The following CHD6 variants were observed in gnomAD, a reference collection of about 807,000 sequenced individuals.
The protein encoded by CHD6 is ATP-dependent chromatin remodeler CHD6.
A neutral mutation model predicts 276.9 loss-of-function variants in CHD6; 50 were observed. The observed-to-expected ratio is 0.18, with a 90% confidence interval of 0.14 to 0.23. The LOEUF is 0.23. Among genes scored for constraint, CHD6 ranks in the 10% least tolerant of loss-of-function variants. The pLI is 1.00. For synonymous variants in CHD6, 1,173 were observed against 1,229.3 expected, an observed-to-expected ratio of 0.95 and a Z score of 0.96; for missense variants, 2,564 against 3,365.8, an observed-to-expected ratio of 0.76 and a Z score of 5.89.
intron 1 of CHD6, among the ~76,000 whole-genome samples, chr20:41,558,193 T>C (rs1276126458): frequency 6.6e-6 from 1 of 152,210 alleles, no homozygotes; most frequent in African/African-American, 2.4e-5. Context: ...CACATGTACC[T>C]TTCTCTATTG....
chr20:41,481,470 ACT>A (rs2043294041), intron 16 of CHD6, among the ~76,000 whole-genome samples: 1 of 151,630 alleles, frequency 6.6e-6, no homozygotes, highest in African/African-American at 2.4e-5. Flanking sequence ...AAAAATACTC[ACT>A]CTCATTAGTA....
rs189206978 is a variant in CHD6, at chr20:41,416,863, C to T, written c.6280-69G>A. The stretch of plus-strand genomic sequence containing the variant: ...CTAAATTCACAAAATCCTTTGAGAT[C>T]AAGGGTTAAGCTTTTCACCAGAAGG... On this transcript the variant is annotated intron_variant, in intron 32 of 36. Transcript: ENST00000373233. 647 of 1,325,438 alleles carry T rather than the reference C, an allele frequency of 4.9e-4. 3 individuals carry two copies. In the African/African-American group the frequency reaches 8.2e-3, roughly 17 times the overall value. The allele number at this position is 1,325,438 out of a possible 1,614,324, so 82.1% of individuals were successfully genotyped here.
intron 1 of CHD6, among the ~76,000 whole-genome samples, chr20:41,570,168 A>C (rs1345704915): frequency 2.0e-5 from 3 of 152,232 alleles, no homozygotes; most frequent in African/African-American, 7.2e-5. Context: ...GACAGTCTTT[A>C]CTGGTGGCAG....
intron 32 of CHD6, 90 bp from the exon 33 acceptor site, chr20:41,416,884 G>T: frequency 8.9e-7 from 1 of 1,122,014 alleles, no homozygotes; most frequent in Non-Finnish European, 1.2e-6. Context: ...CTTTTCACCA[G>T]AAGGAGTCGA....
intron 36 of CHD6, among the ~76,000 whole-genome samples, chr20:41,410,522 CCT>C (rs1265767285): frequency 2.0e-5 from 3 of 152,114 alleles, no homozygotes; most frequent in African/African-American, 7.2e-5. Context: ...CCTAGAAGGC[CCT>C]GTCCCAAGAG....
intron 3 of CHD6, among the ~76,000 whole-genome samples, chr20:41,522,643 C>A (rs148962144): frequency 6.6e-6 from 1 of 151,974 alleles, no homozygotes; most frequent in African/African-American, 2.4e-5. Context: ...AGGAAACATG[C>A]GCGCACGCGT....
rs752210950 is a variant in CHD6, at chr20:41,498,801, GTATGTATGTA to G, written c.915+484_915+493del. 8.4e-4 allele frequency among the ~76,000 whole-genome samples: 70 copies of G among 83,292 alleles called. 1 individual carries two copies. The highest frequency in any genetic ancestry group is 4.0e-3 in the African/African-American group (38 of 9,500). 54.6% of individuals were successfully genotyped at this position (83,292 alleles called of 152,430 possible). On this transcript the variant is annotated intron_variant, in intron 6 of 36. Transcript: ENST00000373233. Reference sequence around the variant, plus strand: ...TGTGTGTATGTATGTATGTATGTATGTATGTATGTATGTGTGTGTGTGTGTGTGTGTGTGT... The same window carrying G: ...TGTGTGTATGTATGTATGTATGTATGTGTGTGTGTGTGTGTGTGTGTGTGT...
intron 2 of CHD6, among the ~76,000 whole-genome samples, chr20:41,534,128 A>G (rs1223174192): frequency 6.6e-6 from 1 of 152,192 alleles, no homozygotes; most frequent in Non-Finnish European, 1.5e-5. Context: ...AAAAATATTT[A>G]CAACTTCACA....
At chr20:41,441,967 C>T (rs1258343973) in intron 25 of CHD6, among the ~76,000 whole-genome samples, 1 of 152,212 alleles carries the variant, frequency 6.6e-6, no homozygotes, top group Non-Finnish European at 1.5e-5. Context: ...AGTCACTCAA[C>T]TCAACTGAGC....
chr20:41,615,333 A>G (rs1325361626), intron 1 of CHD6, among the ~76,000 whole-genome samples: 1 of 146,922 alleles, frequency 6.8e-6, no homozygotes, highest in Non-Finnish European at 1.5e-5. Context: ...ACTCACAAGC[A>G]TGTCACATTC....
intron 36 of CHD6, among the ~76,000 whole-genome samples, chr20:41,406,270 T>TC (rs1478944558): frequency 3.9e-5 from 6 of 152,184 alleles, no homozygotes; most frequent in Non-Finnish European, 8.8e-5. Flanking sequence ...ATCTATTTTT[T>TC]CTCTATTTGG....
chr20:41,434,339 T>C (rs2047637388), intron 27 of CHD6, among the ~76,000 whole-genome samples: 1 of 152,208 alleles, frequency 6.6e-6, no homozygotes. Context: ...TATATAGTGA[T>C]AACAGGGTCA....
chr20:41,505,796 C>A (rs1028581145), intron 5 of CHD6, among the ~76,000 whole-genome samples: 1 of 152,232 alleles, frequency 6.6e-6, no homozygotes, highest in South Asian at 2.1e-4. Flanking sequence ...GAACCTCTCC[C>A]CTGGCAATAG....
chr20:41,515,640 C>T (rs967083), intron 3 of CHD6, among the ~76,000 whole-genome samples: 58,312 of 152,060 alleles, frequency 0.38, 13,946 homozygotes, highest in African/African-American at 0.66. Context: ...TTTGCTTAAA[C>T]GACCTTTCAC....
At chr20:41,526,615 G>GA (rs11481321) in intron 3 of CHD6, among the ~76,000 whole-genome samples, 69,213 of 151,908 alleles carry the variant, frequency 0.46, 17,164 homozygotes, top group African/African-American at 0.66. Flanking sequence ...AGATGAAAGC[G>GA]AAAAAAGGTA....
At chr20:41,536,046 T>C (rs1219551838) in intron 2 of CHD6, among the ~76,000 whole-genome samples, 1 of 149,952 alleles carries the variant, frequency 6.7e-6, no homozygotes, top group Non-Finnish European at 1.5e-5. Context: ...ACATATTTGC[T>C]GAAGATTAAA....
intron 5 of CHD6, among the ~76,000 whole-genome samples, chr20:41,505,694 G>C (rs1036744103): frequency 6.6e-6 from 1 of 151,990 alleles, no homozygotes; most frequent in Non-Finnish European, 1.5e-5. Context: ...CTAGGGCCTA[G>C]TTTTTGGATT....
intron 1 of CHD6, among the ~76,000 whole-genome samples, chr20:41,573,464 C>T (rs1223136712): frequency 6.6e-6 from 1 of 152,166 alleles, no homozygotes; most frequent in Non-Finnish European, 1.5e-5. Flanking sequence ...TACACAACAA[C>T]CCTAACTGGG....
chr20:41,513,436 C>T lies in CHD6; in HGVS notation c.703-441G>A, dbSNP rs1333800538. 3.9e-5 allele frequency among the ~76,000 whole-genome samples: 6 copies of T among 152,282 alleles called. 1 individual carries two copies. The South Asian group carries it at 8.3e-4, about 21-fold the overall frequency. On this transcript the variant is annotated intron_variant, in intron 4 of 36. Coordinates refer to ENST00000373233, the MANE Select transcript of CHD6 (RefSeq NM_032221.5). ...TATTGTTTTTGCTTAAATTCACCAT[C>T]CTTACCACATACTTCTAAAAATGTA...
Sources: gnomAD v4.1 joint callset for allele counts (sites outside exome capture counted in the v4.1 genomes callset) on GRCh38, gnomAD v4.1.1 for gene constraint, MANE v1.5 for transcripts, NCBI Gene and HGNC (gene_info 2026-07-23, HGNC 2026-07-21) for gene names.